Variants in CHCHD3 observed in about 807,000 individuals in gnomAD.
The protein encoded by CHCHD3 is MICOS complex subunit MIC19.
CHCHD3 carries 20 observed loss-of-function variants against 38.2 expected under a neutral mutation model. The observed-to-expected ratio is 0.52, with a 90% CI of 0.37 to 0.76. The LOEUF (loss-of-function observed/expected upper bound fraction) is 0.76, where lower values mean the gene tolerates loss of function less well. Ranked by LOEUF, CHCHD3 falls within the 30% of genes least tolerant of loss-of-function variation. The pLI, the probability that CHCHD3 is intolerant of heterozygous loss-of-function variation, is 0.00. For synonymous variants in CHCHD3, 82 were observed against 100.0 expected (o/e 0.82, Z 1.07); for missense variants, 245 against 279.2 (o/e 0.88, Z 0.87).
Position 132,981,759 on chromosome 7 carries a change from A to G in CHCHD3, c.252-6473T>C, listed in dbSNP as rs189832026. 8.5e-5 allele frequency among the ~76,000 whole-genome samples: 13 copies of G among 152,366 alleles called. No homozygotes were observed. The East Asian group carries it at 2.1e-3, about 25-fold the overall frequency. ...ATGTAATACATAAGGCCATTACACT[A>G]TGGAGAGAAAGTTGATAAGAACTTC... is the stretch of plus-strand genomic sequence containing the variant. On this transcript the variant is annotated intron_variant, in intron 3 of 7. Coordinates refer to ENST00000262570, the MANE Select transcript of CHCHD3 (RefSeq NM_017812.4).
chr7:132,787,740 T>G (rs975475983), intron 7 of CHCHD3, among the ~76,000 whole-genome samples: 4 of 152,094 alleles, frequency 2.6e-5, no homozygotes, highest in African/African-American at 4.8e-5. Flanking sequence ...GTGGATAGAT[T>G]ATCCTAAAGT....
At chr7:132,985,965 G>A (rs1428828700) in intron 3 of CHCHD3, among the ~76,000 whole-genome samples, 1 of 152,052 alleles carries the variant, frequency 6.6e-6, no homozygotes, top group African/African-American at 2.4e-5. Flanking sequence ...ATAGAAAGGG[G>A]GAGAAGGTGG....
intron 4 of CHCHD3, among the ~76,000 whole-genome samples, chr7:132,964,891 G>T (rs17166820): frequency 6.6e-6 from 1 of 152,182 alleles, no homozygotes; most frequent in African/African-American, 2.4e-5. Flanking sequence ...CTATGGAAAT[G>T]GTAGTGCTAA....
chr7:132,806,403 C>G (rs12113528), intron 6 of CHCHD3, among the ~76,000 whole-genome samples: 3 of 152,206 alleles, frequency 2.0e-5, no homozygotes, highest in Admixed American at 1.3e-4. Flanking sequence ...GGGACAAGAC[C>G]AAGAGACTGA....
intron 3 of CHCHD3, among the ~76,000 whole-genome samples, chr7:132,983,385 G>T (rs1811969911): frequency 6.6e-6 from 1 of 152,154 alleles, no homozygotes; most frequent in Non-Finnish European, 1.5e-5. Flanking sequence ...GGCACCATCT[G>T]CAGTGGACGG....
chr7:132,976,089 G>A (rs189176763), intron 3 of CHCHD3, among the ~76,000 whole-genome samples: 142 of 152,284 alleles, frequency 9.3e-4, no homozygotes, highest in Middle Eastern at 3.4e-3. Flanking sequence ...TGTCATTGTG[G>A]ATGTTACAGC....
intron 4 of CHCHD3, among the ~76,000 whole-genome samples, chr7:132,944,523 G>GA (rs1366665260): frequency 1.3e-5 from 2 of 150,664 alleles, no homozygotes; most frequent in Non-Finnish European, 3.0e-5. Flanking sequence ...TTAGTAATAT[G>GA]AAAAAAATAG....
rs1811097429 is a variant in CHCHD3 at position 132,953,967 on chromosome 7, T to C, written c.369+21202A>G. Among the ~76,000 whole-genome samples, 3 of 152,212 alleles carry C rather than the reference T, an allele frequency of 2.0e-5. No individual in the cohort carries two copies. The South Asian group carries it at 6.2e-4, about 32-fold the overall frequency. ...AGAGTCATAAAAGAGTTTGGAAATATGGAGAAGATTGTGATCATTTCTGTG... is the reference window on the plus strand; with the variant it reads ...AGAGTCATAAAAGAGTTTGGAAATACGGAGAAGATTGTGATCATTTCTGTG... On this transcript the variant is annotated intron_variant, in intron 4 of 7. Coordinates refer to ENST00000262570, the MANE Select transcript of CHCHD3 (RefSeq NM_017812.4).
At chr7:132,886,460 T>A (rs891070974) in intron 4 of CHCHD3, among the ~76,000 whole-genome samples, 8 of 151,684 alleles carry the variant, frequency 5.3e-5, no homozygotes, top group Non-Finnish European at 1.2e-4. Flanking sequence ...TAAAAAAAAA[T>A]GCATTTCTTA....
chr7:132,968,432 T>C (rs1247437057), intron 4 of CHCHD3, among the ~76,000 whole-genome samples: 1 of 152,182 alleles, frequency 6.6e-6, no homozygotes, highest in African/African-American at 2.4e-5. Context: ...CAATTCAACG[T>C]GGAAATACCA....
At chr7:133,003,402 G>T (rs1812622146) in intron 3 of CHCHD3, among the ~76,000 whole-genome samples, 1 of 151,896 alleles carries the variant, frequency 6.6e-6, no homozygotes, top group South Asian at 2.1e-4. Context: ...CCCAGGAGAA[G>T]ACAAGAAGAT....
At chr7:132,797,604 A>T (rs1171721508) in intron 6 of CHCHD3, among the ~76,000 whole-genome samples, 1 of 152,194 alleles carries the variant, frequency 6.6e-6, no homozygotes, top group Non-Finnish European at 1.5e-5. Context: ...CATGTAATAC[A>T]TTTACTGAAT....
intron 3 of CHCHD3, among the ~76,000 whole-genome samples, chr7:133,012,501 C>A (rs1411025295): frequency 6.6e-6 from 1 of 152,092 alleles, no homozygotes; most frequent in East Asian, 1.9e-4. Context: ...CAGTGGCTCA[C>A]GCCTGTAATC....
At chr7:133,031,938 A>G (rs1223252118) in intron 2 of CHCHD3, among the ~76,000 whole-genome samples, 1 of 152,192 alleles carries the variant, frequency 6.6e-6, no homozygotes, top group Non-Finnish European at 1.5e-5. Flanking sequence ...ATTAAAATGA[A>G]GAGCAATTAT....
At chr7:132,843,436 A>G (rs1187022225) in intron 5 of CHCHD3, among the ~76,000 whole-genome samples, 2 of 152,212 alleles carry the variant, frequency 1.3e-5, no homozygotes, top group Non-Finnish European at 2.9e-5. Flanking sequence ...CTTGCCATTC[A>G]AAGTGAAAAA....
chr7:132,870,743 C>T (rs1808748623), intron 5 of CHCHD3, among the ~76,000 whole-genome samples: 1 of 152,126 alleles, frequency 6.6e-6, no homozygotes, highest in Non-Finnish European at 1.5e-5. Context: ...TTGCAGGAAC[C>T]TAAACAGACA....
chr7:133,065,455 T>C (rs1814642188), intron 2 of CHCHD3, among the ~76,000 whole-genome samples: 1 of 152,210 alleles, frequency 6.6e-6, no homozygotes, highest in Non-Finnish European at 1.5e-5. Context: ...CCTAGGGCTC[T>C]CAGTTCATCA....
intron 2 of CHCHD3, among the ~76,000 whole-genome samples, chr7:133,063,382 T>C (rs1562952094): frequency 6.6e-6 from 1 of 152,158 alleles, no homozygotes; most frequent in Non-Finnish European, 1.5e-5. Flanking sequence ...ATTGCTAGTT[T>C]CCAACTAACA....
At position 132,788,614 on chromosome 7, in the gene CHCHD3, C is replaced by T. The variant is rs1806382851; in HGVS notation, c.661-2954G>A. 6.6e-6 allele frequency among the ~76,000 whole-genome samples: 1 copy of T among 152,172 alleles called. No individual in the cohort carries two copies. Among genetic ancestry groups the T allele is most frequent in the Non-Finnish European group, 1.5e-5 (1 of 68,032 alleles). ...ATCATATCATGCTAAGAATGTTAGG[C>T]TCTCTTTCAGAAAGAGACAAGATGG... On this transcript the variant is annotated intron_variant, in intron 7 of 7. Coordinates refer to ENST00000262570, the MANE Select transcript of CHCHD3 (RefSeq NM_017812.4). This position sits in a 1 kb window ranked among gnomAD's most constrained non-coding sequence, Gnocchi z 4.0.
Sources: allele counts gnomAD v4.1 joint callset (sites outside exome capture counted in the v4.1 genomes callset), GRCh38; gene constraint gnomAD v4.1.1; non-coding constraint Gnocchi (gnomAD v3.1); transcripts MANE v1.5; gene names NCBI Gene and HGNC (gene_info 2026-07-23, HGNC 2026-07-21).